FANCC: variants seen among roughly 807,000 people sequenced by gnomAD.
The protein encoded by FANCC is FA complementation group C, also known as Fanconi anemia group C protein.
A neutral mutation model predicts 71.3 loss-of-function variants in FANCC; 55 were observed. The observed-to-expected ratio is 0.77, with a 90% confidence interval of 0.62 to 0.97. The LOEUF is 0.97. Ranked by LOEUF, FANCC falls within the 50% of genes least tolerant of loss-of-function variation. FANCC has a pLI of 0.00. For missense variants in FANCC, 678 were observed against 670.9 expected, an observed-to-expected ratio of 1.01 and a Z score of -0.12; for synonymous variants, 275 against 244.9, an observed-to-expected ratio of 1.12 and a Z score of -1.15.
intron 11 of FANCC, 81 bp downstream of exon 11, chr9:95,117,233 AG>A (rs2072492750): frequency 8.4e-7 from 1 of 1,193,578 alleles, no homozygotes; most frequent in Non-Finnish European, 1.2e-6. Context: ...GCTGTAGATA[AG>A]GGCCTGATGA....
Position 95,135,507 on chromosome 9 carries a change from C to G in FANCC, c.687-5G>C, listed in dbSNP as rs767811745. On this transcript the variant is annotated splice_region_variant and splice_polypyrimidine_tract_variant and intron_variant, in intron 7 of 14. Transcript: ENST00000289081. ...ATGGGGAGAGAAATCTTCTTCCTTT[C>G]AGAAAGAAATAAACAAAATTTTAAA... 1.2e-6 allele frequency: 2 copies of G among 1,613,384 alleles called. No homozygotes were observed. Among genetic ancestry groups the G allele is most frequent in the South Asian group, 2.2e-5 (2 of 90,978 alleles).
At chr9:95,294,060 G>T in intron 1 of FANCC, 3 of 1,608,808 alleles carry the variant, frequency 1.9e-6, no homozygotes, top group Non-Finnish European at 2.6e-6. Flanking sequence ...AGAACAGTAT[G>T]CTTCCTTCAC....
At chr9:95,306,540 A>G (rs954674480) in intron 1 of FANCC, among the ~76,000 whole-genome samples, 2 of 152,194 alleles carry the variant, frequency 1.3e-5, no homozygotes, top group African/African-American at 4.8e-5. Flanking sequence ...ACCAGACAGG[A>G]GTTAGTTTCC....
intron 6 of FANCC, among the ~76,000 whole-genome samples, chr9:95,160,037 T>C (rs945191127): frequency 6.6e-6 from 1 of 152,178 alleles, no homozygotes; most frequent in African/African-American, 2.4e-5. Context: ...TTTAATTAGA[T>C]CCCATTTGTC....
At chr9:95,295,762 G>C (rs953101331) in intron 1 of FANCC, among the ~76,000 whole-genome samples, 22 of 147,156 alleles carry the variant, frequency 1.5e-4, no homozygotes, top group Non-Finnish European at 2.8e-4. Context: ...GTGAGACCCT[G>C]TATCAATTAA....
At chr9:95,213,980 G>A (rs1410795771) in intron 4 of FANCC, among the ~76,000 whole-genome samples, 1 of 152,126 alleles carries the variant, frequency 6.6e-6, no homozygotes, top group Non-Finnish European at 1.5e-5. Flanking sequence ...CTGAAAAACA[G>A]ATGGACTGAA....
intron 1 of FANCC, among the ~76,000 whole-genome samples, chr9:95,286,687 CA>C (rs1049685230): frequency 1.3e-5 from 2 of 152,098 alleles, no homozygotes; most frequent in African/African-American, 4.8e-5. Context: ...TTTCACAAAC[CA>C]GAAGAGTCTC....
chr9:95,163,936 T>A (rs1830909037), intron 6 of FANCC, among the ~76,000 whole-genome samples: 1 of 152,230 alleles, frequency 6.6e-6, no homozygotes, highest in African/African-American at 2.4e-5. Flanking sequence ...TTATGTCTTA[T>A]TTAATTTCTT....
rs113454881 is a variant in FANCC, at chr9:95,278,128, A to G, written c.-78-28759T>C. 2.5e-3 allele frequency among the ~76,000 whole-genome samples: 374 copies of G among 152,362 alleles called. 1 individual carries two copies. Among genetic ancestry groups the G allele is most frequent in the African/African-American group, 8.6e-3 (357 of 41,592 alleles). On this transcript the variant is annotated intron_variant, in intron 1 of 14. Coordinates refer to ENST00000289081, the MANE Select transcript of FANCC (RefSeq NM_000136.3). ...ACAGTGCAAATGAGTTAAACAGCCA[A>G]GCTGTATTGGGCTAAGGAAGTAACT...
chr9:95,261,593 T>A (rs547624964), intron 1 of FANCC, among the ~76,000 whole-genome samples: 1 of 152,222 alleles, frequency 6.6e-6, no homozygotes, highest in Non-Finnish European at 1.5e-5. Context: ...GCATAATGTA[T>A]CTTTTAGTGC....
rs2071026495 is a variant in FANCC, at chr9:95,100,093, A to G, written c.*1614T>C. The G allele has an allele frequency of 4.3e-6, 1 of 232,474 alleles. No individual in the cohort carries two copies. Among genetic ancestry groups the G allele is most frequent in the African/African-American group, 2.2e-5 (1 of 45,302 alleles). 14.4% of individuals were successfully genotyped at this position (232,474 alleles called of 1,614,324 possible). A position where few individuals can be genotyped will look rare whatever the true frequency, so the allele number is the denominator to read the frequency against. On this transcript the variant is annotated 3_prime_UTR_variant, in exon 15 of 15. Transcript: ENST00000289081. ...ACAAGTTCTGGCTTAAAGTCAGAAC[A>G]GGAGAGAGGCCCTCAACTCCAGTGA... is the stretch of plus-strand genomic sequence containing the variant.
chr9:95,211,326 G>A (rs903976035), intron 4 of FANCC, among the ~76,000 whole-genome samples: 1 of 152,212 alleles, frequency 6.6e-6, no homozygotes, highest in African/African-American at 2.4e-5. Flanking sequence ...TGAGAGCCAA[G>A]AGGAAACTAG....
intron 6 of FANCC, among the ~76,000 whole-genome samples, chr9:95,151,867 G>A (rs1830194037): frequency 1.3e-5 from 2 of 151,616 alleles, no homozygotes; most frequent in South Asian, 4.2e-4. Flanking sequence ...GGTCAAGGCT[G>A]CAGTGAGCTG....
At chr9:95,264,349 A>G (rs954309678) in intron 1 of FANCC, among the ~76,000 whole-genome samples, 7 of 152,266 alleles carry the variant, frequency 4.6e-5, no homozygotes, top group African/African-American at 1.7e-4. Flanking sequence ...CTGTTGTAGA[A>G]GAAAAATAAA....
intron 6 of FANCC, among the ~76,000 whole-genome samples, chr9:95,153,889 CTAAT>C (rs546603826): frequency 6.6e-6 from 1 of 152,098 alleles, no homozygotes; most frequent in Non-Finnish European, 1.5e-5. Flanking sequence ...ACTTTCAACC[CTAAT>C]TAATTCTTTA....
intron 7 of FANCC, among the ~76,000 whole-genome samples, chr9:95,145,841 G>A (rs1257701123): frequency 2.0e-5 from 3 of 151,954 alleles, no homozygotes; most frequent in Non-Finnish European, 4.4e-5. Flanking sequence ...CTTTACCACC[G>A]GAGAACGGGG....
chr9:95,134,078 C>G (rs777183142), intron 8 of FANCC, among the ~76,000 whole-genome samples: 1 of 152,172 alleles, frequency 6.6e-6, no homozygotes, highest in Admixed American at 6.5e-5. Flanking sequence ...CAGGTGGGAT[C>G]CGTGTGTGCA....
At chr9:95,263,495 T>G (rs991530534) in intron 1 of FANCC, among the ~76,000 whole-genome samples, 3 of 147,026 alleles carry the variant, frequency 2.0e-5, no homozygotes, top group Non-Finnish European at 3.0e-5. Flanking sequence ...TGTGTGTGTA[T>G]GTATGTGTAT....
intron 4 of FANCC, among the ~76,000 whole-genome samples, chr9:95,216,914 A>G (rs1828896674): frequency 6.6e-6 from 1 of 152,188 alleles, no homozygotes; most frequent in Non-Finnish European, 1.5e-5. Flanking sequence ...GTTACCTTCC[A>G]AAAAGGAAGG....
Sources: gnomAD v4.1 joint callset for allele counts (sites outside exome capture counted in the v4.1 genomes callset) on GRCh38, gnomAD v4.1.1 for gene constraint, MANE v1.5 for transcripts, NCBI Gene and HGNC (gene_info 2026-07-23, HGNC 2026-07-21) for gene names.